The following SLIT3 variants were observed in gnomAD, a reference collection of about 807,000 sequenced individuals.
SLIT3 encodes slit homolog 3 protein.
In SLIT3, 68 loss-of-function variants were observed where a neutral mutation model predicts 184.0. The observed-to-expected ratio is 0.37, with a 90% CI of 0.30 to 0.45. The LOEUF (loss-of-function observed/expected upper bound fraction) is 0.45. Ranked by LOEUF, SLIT3 falls within the 20% of genes least tolerant of loss-of-function variation. The pLI is 1.00. For synonymous variants in SLIT3, 831 were observed against 828.6 expected (o/e 1.00, Z -0.05); for missense variants, 1,707 against 2,026.0 (o/e 0.84, Z 3.02).
At chr5:168,768,209 C>T (rs755720218) in intron 14 of SLIT3, 1 of 523,998 alleles carries the variant, frequency 1.9e-6, no homozygotes. Context: ...CATCGTTCCA[C>T]CACATGGTTA....
intron 5 of SLIT3, among the ~76,000 whole-genome samples, chr5:168,873,405 G>T (rs528414123): frequency 6.6e-6 from 1 of 151,774 alleles, no homozygotes; most frequent in Non-Finnish European, 1.5e-5. Flanking sequence ...TTAGGCAGGC[G>T]GATCACTTGA....
chr5:168,891,340 C>A (rs761529656), intron 4 of SLIT3, among the ~76,000 whole-genome samples: 2 of 152,040 alleles, frequency 1.3e-5, no homozygotes, highest in African/African-American at 4.8e-5. Flanking sequence ...CTCAGGAGCC[C>A]GGGGAGGCTG....
At chr5:169,164,384 C>T (rs1319496388) in intron 4 of SLIT3, among the ~76,000 whole-genome samples, 1 of 152,202 alleles carries the variant, frequency 6.6e-6, no homozygotes, top group Non-Finnish European at 1.5e-5. Flanking sequence ...GAAGAAGCAG[C>T]AGAGTCTGTG....
In SLIT3 at chr5:168,838,434, C is replaced by G. The variant is rs543162268; in HGVS notation, c.557+6150G>C. The stretch of plus-strand genomic sequence containing the variant: ...AGTAGACTCTCAAAAATAGTAGATG[C>G]TCAAACATGGGACTCTAACAAGATA... On this transcript the variant is annotated intron_variant, in intron 6 of 35. Transcript: ENST00000519560. Among the ~76,000 whole-genome samples the G allele has an allele frequency of 2.0e-5, 3 of 152,260 alleles. No individual in the cohort carries two copies. In the South Asian group the frequency reaches 6.2e-4, roughly 32 times the overall value.
rs570590781 is a variant in SLIT3 at position 169,176,169 on chromosome 5, C to G, written c.413+17310G>C. Among the ~76,000 whole-genome samples, 7 of 152,320 alleles carry G rather than the reference C, an allele frequency of 4.6e-5. No homozygotes were observed. In the South Asian group the frequency reaches 1.5e-3, roughly 32 times the overall value. On this transcript the variant is annotated intron_variant, in intron 4 of 35. Transcript: ENST00000519560. ...CTCTTCTTGCTTTCTGTGCCTCTGC[C>G]TTGACTGCTCACATGTCTCCTCTCA...
intron 28 of SLIT3, among the ~76,000 whole-genome samples, chr5:168,693,754 T>C (rs1465883185): frequency 1.3e-5 from 2 of 152,146 alleles, no homozygotes; most frequent in African/African-American, 2.4e-5. Flanking sequence ...GAGTAACAGA[T>C]AGCCCCTAAG....
chr5:169,287,090 C>A (rs1030741197), intron 1 of SLIT3, among the ~76,000 whole-genome samples: 1 of 152,148 alleles, frequency 6.6e-6, no homozygotes, highest in Non-Finnish European at 1.5e-5. Context: ...GTAAACAGAG[C>A]AGATTGGTTA....
intron 12 of SLIT3, among the ~76,000 whole-genome samples, chr5:168,777,730 T>C (rs1353463745): frequency 1.3e-5 from 2 of 152,170 alleles, no homozygotes; most frequent in Non-Finnish European, 2.9e-5. Context: ...GCGAGGTGTG[T>C]AGGTGCAGGG....
At chr5:168,724,673 T>C (rs1763051534) in intron 20 of SLIT3, among the ~76,000 whole-genome samples, 189 bp from the exon 21 acceptor site, 1 of 152,188 alleles carries the variant, frequency 6.6e-6, no homozygotes, top group African/African-American at 2.4e-5. Context: ...ATGAATGACA[T>C]TTTTTTCTCC....
At chr5:168,952,642 G>T (rs201251017) in intron 4 of SLIT3, among the ~76,000 whole-genome samples, 5,883 of 150,380 alleles carry the variant, frequency 0.039, 157 homozygotes, top group Middle Eastern at 0.063. Context: ...AAGAAAGAAA[G>T]GGCAAGGGTA....
intron 28 of SLIT3, among the ~76,000 whole-genome samples, 199 bp from the exon 29 acceptor site, chr5:168,692,899 G>C (rs1338705376): frequency 1.3e-5 from 2 of 152,196 alleles, no homozygotes; most frequent in East Asian, 1.9e-4. Context: ...TTCTTTGGCA[G>C]TGACCACGGG....
chr5:169,110,905 C>T (rs1442971829), intron 4 of SLIT3, among the ~76,000 whole-genome samples: 5 of 152,156 alleles, frequency 3.3e-5, no homozygotes, highest in Admixed American at 6.6e-5. Flanking sequence ...CCTTCCAGTG[C>T]ACATCCAGTG....
chr5:169,183,319 T>C (rs1281870526), intron 4 of SLIT3, among the ~76,000 whole-genome samples: 1 of 152,242 alleles, frequency 6.6e-6, no homozygotes, highest in African/African-American at 2.4e-5. Context: ...AGTACACTGA[T>C]GTATGAAGGC....
At chr5:169,013,708 T>A (rs1472219307) in intron 4 of SLIT3, among the ~76,000 whole-genome samples, 1 of 152,156 alleles carries the variant, frequency 6.6e-6, no homozygotes, top group African/African-American at 2.4e-5. Context: ...CCCATGCAGC[T>A]CCTCGAAAGA....
chr5:168,947,979 T>TG (rs11423010), intron 4 of SLIT3, among the ~76,000 whole-genome samples: 52,224 of 151,486 alleles, frequency 0.34, 9,145 homozygotes, highest in Admixed American at 0.38. Flanking sequence ...TTAGTAGAGA[T>TG]GGGGGTCTCG....
chr5:168,942,237 T>C (rs868638064), intron 4 of SLIT3, among the ~76,000 whole-genome samples: 1 of 152,118 alleles, frequency 6.6e-6, no homozygotes, highest in South Asian at 2.1e-4. Flanking sequence ...CTGAAGAGGG[T>C]AAATGAAAAT....
chr5:168,797,122 C>A (rs941391701), intron 9 of SLIT3, among the ~76,000 whole-genome samples: 5 of 152,126 alleles, frequency 3.3e-5, no homozygotes, highest in Admixed American at 3.3e-4. Context: ...TCACAGAGAG[C>A]CACAAAAGCT....
At chr5:169,103,920 C>T (rs571896073) in intron 4 of SLIT3, among the ~76,000 whole-genome samples, 29 of 152,326 alleles carry the variant, frequency 1.9e-4, no homozygotes, top group African/African-American at 7.0e-4. Flanking sequence ...AGTGGCCCTG[C>T]CACTTGCTGC....
chr5:169,234,372 ACCAATGTCTCTC>A (rs1765117951), intron 3 of SLIT3, among the ~76,000 whole-genome samples: 1 of 151,994 alleles, frequency 6.6e-6, no homozygotes, highest in African/African-American at 2.4e-5. Context: ...TCTGTCCTAT[ACCAATGTCTCTC>A]CAGTCTTTCG....
Sources: gnomAD v4.1 joint callset for allele counts (sites outside exome capture counted in the v4.1 genomes callset) on GRCh38, gnomAD v4.1.1 for gene constraint, MANE v1.5 for transcripts, NCBI Gene and HGNC (gene_info 2026-07-23, HGNC 2026-07-21) for gene names.